HPSE2: variants seen among roughly 807,000 people sequenced by gnomAD.
HPSE2 encodes inactive heparanase-2.
In HPSE2, 38 loss-of-function variants were observed where a neutral mutation model predicts 60.5. The ratio of observed to expected loss-of-function variants is 0.63; its 90% confidence interval spans 0.48 to 0.82. The LOEUF is 0.82. HPSE2 is among the 40% of genes least tolerant of loss of function. The pLI, the probability that HPSE2 is intolerant of heterozygous loss-of-function variation, is 0.00. For missense variants in HPSE2, 713 were observed against 740.4 expected, an observed-to-expected ratio of 0.96 and a Z score of 0.43; for synonymous variants, 295 against 293.2, an observed-to-expected ratio of 1.01 and a Z score of -0.06.
At chr10:98,719,244 C>CT (rs1948861894) in intron 5 of HPSE2, among the ~76,000 whole-genome samples, 1 of 152,052 alleles carries the variant, frequency 6.6e-6, no homozygotes, top group South Asian at 2.1e-4. Context: ...TACTATGTTC[C>CT]TAGATTCTGA....
chr10:98,637,087 G>A (rs1946519682), intron 7 of HPSE2, among the ~76,000 whole-genome samples: 1 of 152,136 alleles, frequency 6.6e-6, no homozygotes, highest in Non-Finnish European at 1.5e-5. Context: ...AAGGGAAAGA[G>A]TGTGTGGATC....
chr10:98,997,876 A>T lies in HPSE2; in HGVS notation c.610+146362T>A, dbSNP rs371895267. 2.0e-5 allele frequency among the ~76,000 whole-genome samples: 3 copies of T among 152,292 alleles called. No individual in the cohort carries two copies. In the South Asian group the frequency reaches 6.2e-4, roughly 32 times the overall value. ...AAGGTTGCAGAAGCAGAAAGCTACA[A>T]TGGCTTGGGCTGGAGCATGACCAGC... is the stretch of plus-strand genomic sequence containing the variant. On this transcript the variant is annotated intron_variant, in intron 3 of 11. Transcript: ENST00000370552.
At chr10:99,228,173 G>T (rs991077156) in intron 2 of HPSE2, among the ~76,000 whole-genome samples, 1 of 152,050 alleles carries the variant, frequency 6.6e-6, no homozygotes, top group African/African-American at 2.4e-5. Flanking sequence ...GATAATAAAG[G>T]TGCTTTAAGA....
chr10:98,757,706 G>A lies in HPSE2; in HGVS notation c.611-13650C>T, dbSNP rs143157505. Among the ~76,000 whole-genome samples, 451 of 152,084 alleles carry A rather than the reference G, an allele frequency of 3.0e-3. 1 individual carries two copies. The highest frequency in any genetic ancestry group is 0.014 in the Middle Eastern group (4 of 294). The stretch of plus-strand genomic sequence containing the variant: ...GAGACAACACAAATATTAATAAGTG[G>A]AAAAACATTTCATGCACATGGATAG... On this transcript the variant is annotated intron_variant, in intron 3 of 11. Coordinates refer to ENST00000370552, the MANE Select transcript of HPSE2 (RefSeq NM_021828.5).
chr10:99,060,439 A>C (rs1958211869), intron 3 of HPSE2, among the ~76,000 whole-genome samples: 1 of 152,106 alleles, frequency 6.6e-6, no homozygotes, highest in South Asian at 2.1e-4. Flanking sequence ...TGGGCAGATC[A>C]CCTGAAGTCA....
intron 6 of HPSE2, among the ~76,000 whole-genome samples, chr10:98,659,024 T>TC (rs1947153932): frequency 1.3e-5 from 2 of 151,884 alleles, no homozygotes; most frequent in Non-Finnish European, 2.9e-5. Context: ...CCATCATCAT[T>TC]ATCTAGTTCC....
At chr10:98,628,483 G>A (rs1349638949) in intron 7 of HPSE2, among the ~76,000 whole-genome samples, 2 of 152,212 alleles carry the variant, frequency 1.3e-5, no homozygotes, top group African/African-American at 4.8e-5. Flanking sequence ...AGTTCCTGGT[G>A]AGAAATGATG....
intron 3 of HPSE2, among the ~76,000 whole-genome samples, chr10:98,943,071 G>A (rs1426930258): frequency 8.2e-6 from 1 of 122,274 alleles, no homozygotes; most frequent in Non-Finnish European, 1.6e-5. Context: ...TCACACTCTG[G>A]GGACTGTTGT....
At chr10:98,766,691 G>A (rs1426056769) in intron 3 of HPSE2, among the ~76,000 whole-genome samples, 1 of 152,158 alleles carries the variant, frequency 6.6e-6, no homozygotes, top group East Asian at 1.9e-4. Flanking sequence ...TTGGGAGGCT[G>A]AGGCAGGCAG....
intron 3 of HPSE2, among the ~76,000 whole-genome samples, chr10:98,797,984 AAGC>A (rs1950819481): frequency 6.6e-6 from 1 of 152,234 alleles, no homozygotes. Context: ...ATTGAACACC[AAGC>A]AGGTTTATCT....
chr10:99,008,178 T>G (rs1199851550), intron 3 of HPSE2, among the ~76,000 whole-genome samples: 1 of 152,224 alleles, frequency 6.6e-6, no homozygotes, highest in Non-Finnish European at 1.5e-5. Flanking sequence ...CATGTGTTTA[T>G]CTGCAAAAGT....
chr10:99,116,736 A>G (rs189252917), intron 3 of HPSE2, among the ~76,000 whole-genome samples: 108 of 152,304 alleles, frequency 7.1e-4, no homozygotes, highest in Admixed American at 3.8e-3. Context: ...TTAGAACACA[A>G]AAAGAAAAAA....
chr10:98,744,780 C>A (rs1332413970), intron 3 of HPSE2, among the ~76,000 whole-genome samples: 1 of 152,156 alleles, frequency 6.6e-6, no homozygotes, highest in Non-Finnish European at 1.5e-5. Context: ...TAATAGGGTA[C>A]AAGGCCAGGA....
At chr10:99,048,231 G>A (rs1957904857) in intron 3 of HPSE2, 2 of 576,042 alleles carry the variant, frequency 3.5e-6, no homozygotes, top group African/African-American at 1.9e-5. Context: ...TATACTATTG[G>A]AAAATGCTTC....
chr10:98,845,992 T>G (rs1369183146), intron 3 of HPSE2, among the ~76,000 whole-genome samples: 1 of 152,204 alleles, frequency 6.6e-6, no homozygotes, highest in African/African-American at 2.4e-5. Context: ...TAAGGGGCCT[T>G]GGGCCTGGCA....
intron 9 of HPSE2, among the ~76,000 whole-genome samples, chr10:98,569,701 A>G (rs529571867): frequency 2.0e-5 from 3 of 152,110 alleles, no homozygotes; most frequent in Non-Finnish European, 2.9e-5. Context: ...AGTTATTCCT[A>G]TCTGTTTTGC....
intron 3 of HPSE2, among the ~76,000 whole-genome samples, chr10:98,830,721 C>CT (rs1321931188): frequency 6.6e-6 from 1 of 152,118 alleles, no homozygotes; most frequent in Non-Finnish European, 1.5e-5. Flanking sequence ...AGGAAAAAGA[C>CT]TTTATGACTT....
chr10:99,203,895 C>T (rs570896459), intron 2 of HPSE2, among the ~76,000 whole-genome samples: 2 of 152,280 alleles, frequency 1.3e-5, no homozygotes, highest in South Asian at 2.1e-4. Flanking sequence ...AGGGTCCAGG[C>T]CCACTCCAGC....
rs1445088011 is a variant in HPSE2 at position 98,717,637 on chromosome 10, A to G, written c.956+4020T>C. Among the ~76,000 whole-genome samples the G allele has an allele frequency of 3.3e-5, 5 of 152,164 alleles. No individual in the cohort carries two copies. In the East Asian group the frequency reaches 7.7e-4, roughly 24 times the overall value. ...GGCTGGTGGGTGGAGCAGACAGAAC[A>G]CACATTTGTTGATTAAGTTTGCCAT... is the stretch of plus-strand genomic sequence containing the variant. On this transcript the variant is annotated intron_variant, in intron 5 of 11. Coordinates refer to ENST00000370552, the MANE Select transcript of HPSE2 (RefSeq NM_021828.5).
Sources: allele counts gnomAD v4.1 joint callset (sites outside exome capture counted in the v4.1 genomes callset), GRCh38; gene constraint gnomAD v4.1.1; transcripts MANE v1.5; gene names NCBI Gene and HGNC (gene_info 2026-07-23, HGNC 2026-07-21).